Variants in PCNT observed in about 807,000 individuals in gnomAD.
PCNT encodes the protein pericentrin, also known as kendrin.
In PCNT, 319 loss-of-function variants were observed where a neutral mutation model predicts 380.4. The ratio of observed to expected loss-of-function variants is 0.84; its 90% CI spans 0.77 to 0.92. The LOEUF is 0.92. Ranked by LOEUF, PCNT falls within the 40% of genes least tolerant of loss-of-function variation. The probability of loss-of-function intolerance (pLI) is 0.00; values close to 1 mark genes in which losing one functional copy is unlikely to be tolerated. For synonymous variants in PCNT, 1,845 were observed against 1,735.2 expected (o/e 1.06, Z -1.57); for missense variants, 4,400 against 4,255.3 (o/e 1.03, Z -0.95).
chr21:46,379,905 C>T (rs771567239), intron 15 of PCNT, among the ~76,000 whole-genome samples: 26 of 152,330 alleles, frequency 1.7e-4, no homozygotes, highest in Admixed American at 4.6e-4. Context: ...ATGGTCACTG[C>T]AGCCGGCCCA....
In PCNT at chr21:46,402,491, A is replaced by C. The variant is rs2086460818; in HGVS notation, c.5115+8A>C. On this transcript the variant is annotated splice_region_variant and intron_variant, in intron 27 of 46. Coordinates refer to ENST00000359568, the MANE Select transcript of PCNT (RefSeq NM_006031.6). Reference sequence around the variant, plus strand: ...GAGAACACGAGCTTGAAGGTAAGCTACCAAAGGTCCACGTGACGCCCGAGT... The same window carrying C: ...GAGAACACGAGCTTGAAGGTAAGCTCCCAAAGGTCCACGTGACGCCCGAGT... 1 of 1,613,784 alleles carries C rather than the reference A, an allele frequency of 6.2e-7. No individual in the cohort carries two copies. Among genetic ancestry groups the C allele is most frequent in the African/African-American group, 1.3e-5 (1 of 74,906 alleles).
At chr21:46,352,554 C>T (rs11702684) in intron 9 of PCNT, among the ~76,000 whole-genome samples, 14,107 of 152,186 alleles carry the variant, frequency 0.093, 899 homozygotes, top group East Asian at 0.33. Context: ...TGTAGAGCAG[C>T]GGGCTGTATT....
rs1283199051 is a variant in PCNT at position 46,388,847 on chromosome 21, C to T, written c.3570C>T (p.Cys1190=). The change falls in exon 18 of 47, where the codon TGC becomes TGT. Residue 1190 remains cysteine (C), a synonymous_variant. Coordinates refer to ENST00000359568, the MANE Select transcript of PCNT (RefSeq NM_006031.6). This position sits in a 1 kb window ranked among gnomAD's most constrained non-coding sequence, Gnocchi z 4.2. The part of the protein sequence containing the change: ...RSRIGERVGL[C]LDDAGAGLAL... ...GGATCGGGGAGCGCGTGGGGCTCTGCCTGGATGACGCGGGCGCAGGCCTGG... is the reference window on the plus strand; with the variant it reads ...GGATCGGGGAGCGCGTGGGGCTCTGTCTGGATGACGCGGGCGCAGGCCTGG... 1.2e-6 allele frequency: 2 copies of T among 1,610,920 alleles called. No homozygotes were observed. The highest frequency in any genetic ancestry group is 2.2e-5 in the East Asian group (1 of 44,872).
chr21:46,385,861 C>G lies in PCNT; in HGVS notation c.3342C>G (p.His1114Gln), dbSNP rs147173840. 6.2e-7 allele frequency: 1 copy of G among 1,614,226 alleles called. No homozygotes were observed. The highest frequency in any genetic ancestry group is 8.5e-7 in the Non-Finnish European group (1 of 1,180,026). Reference sequence around the variant, plus strand: ...AAGACCAGGTTTTATCCTTAAGTCACGAGATAGAAGAGTGCCGCTCCGAGT... The same window carrying G: ...AAGACCAGGTTTTATCCTTAAGTCAGGAGATAGAAGAGTGCCGCTCCGAGT... ...QLKDQVLSLS[H>Q]EIEECRSELE... Residue 1114 changes from histidine (H) to glutamine (Q), a missense_variant, in exon 17 of 47, where the codon CAC (histidine) becomes CAG (glutamine). His to Gln is a conservative substitution (Grantham distance 24, BLOSUM62 0). Transcript: ENST00000359568.
chr21:46,397,334 G>T lies in PCNT; in HGVS notation c.4286G>T (p.Arg1429Leu). The stretch of plus-strand genomic sequence containing the variant: ...ACCAGGAAGCAGGCTGAGAAGGACC[G>T]CTCAGCCCTGCTCTCCCAGATGAAG... Reference protein sequence around the residue: ...SETRKQAEKDRSALLSQMKIL... With the variant: ...SETRKQAEKDLSALLSQMKIL... The change falls in exon 22 of 47, where the codon CGC (arginine) becomes CTC (leucine). Residue 1429 changes from arginine to leucine, a missense_variant. Transcript: ENST00000359568. 6.2e-7 allele frequency: 1 copy of T among 1,613,980 alleles called. No individual in the cohort carries two copies. Among genetic ancestry groups the T allele is most frequent in the Non-Finnish European group, 8.5e-7 (1 of 1,179,922 alleles).
rs555197133 is a variant in PCNT at position 46,325,474 on chromosome 21, TGTG to T, written c.55-898_55-896del. On this transcript the variant is annotated intron_variant, in intron 1 of 46. Transcript: ENST00000359568. ...TGTGCTATATCCCGACATGGATAGG[TGTG>T]GTGGAGGAGGACATGAAAATAAACG... Among the ~76,000 whole-genome samples the T allele has an allele frequency of 1.1e-3, 174 of 152,236 alleles. 1 individual carries two copies. The highest frequency in any genetic ancestry group is 3.9e-3 in the African/African-American group (163 of 41,540).
intron 38 of PCNT, among the ~76,000 whole-genome samples, chr21:46,433,530 G>A (rs1046752034): frequency 2.0e-5 from 3 of 152,060 alleles, no homozygotes; most frequent in Non-Finnish European, 2.9e-5. Flanking sequence ...GGTGAGACGT[G>A]GTGTGTGTGT....
chr21:46,389,521 G>T, intron 19 of PCNT, 90 bp downstream of exon 19: 1 of 1,029,692 alleles, frequency 9.7e-7, no homozygotes, highest in African/African-American at 1.6e-5. Flanking sequence ...CGGTGCCAAC[G>T]ACGCTCGCAC....
At chr21:46,415,812 C>T (rs2087004555) in intron 29 of PCNT, among the ~76,000 whole-genome samples, 1 of 152,214 alleles carries the variant, frequency 6.6e-6, no homozygotes, top group Non-Finnish European at 1.5e-5. Flanking sequence ...ATAGAACCTT[C>T]CCATCCTTTT....
At chr21:46,355,730 G>T (rs1259990998) in intron 12 of PCNT, 104 bp downstream of exon 12, 110 of 1,145,204 alleles carry the variant, frequency 9.6e-5, no homozygotes, top group Non-Finnish European at 1.4e-4. Flanking sequence ...CCGTGAAGCA[G>T]CTGAGTGCTC....
rs770567674 is a variant in PCNT, at chr21:46,363,869, C to T, written c.2544C>T (p.Asp848=). 30 of 1,612,232 alleles carry T rather than the reference C, an allele frequency of 1.9e-5. 1 individual carries two copies. Among genetic ancestry groups the T allele is most frequent in the Middle Eastern group, 1.7e-4 (1 of 6,054 alleles). The change falls in exon 14 of 47, where the codon GAC becomes GAT. Residue 848 remains aspartate, a synonymous_variant. Transcript: ENST00000359568. The part of the protein sequence containing the change: ...QCGREPPTAQ[D]GELAALHVKE... ...GGCGGGAGCCGCCCACAGCCCAGGACGGGGAGCTTGCTGCGCTCCACGTGA... is the reference window on the plus strand; with the variant it reads ...GGCGGGAGCCGCCCACAGCCCAGGATGGGGAGCTTGCTGCGCTCCACGTGA...
intron 38 of PCNT, among the ~76,000 whole-genome samples, chr21:46,435,657 C>T (rs893475974): frequency 6.6e-6 from 1 of 152,074 alleles, no homozygotes; most frequent in Non-Finnish European, 1.5e-5. Flanking sequence ...ATTCTCCTGC[C>T]TCATCCTCTC....
At chr21:46,405,581 G>A (rs2086598501) in intron 27 of PCNT, among the ~76,000 whole-genome samples, 1 of 152,088 alleles carries the variant, frequency 6.6e-6, no homozygotes, top group Admixed American at 6.6e-5. Flanking sequence ...GCCTCTAATG[G>A]TTACTTGGGA....
At chr21:46,345,200 T>C (rs991454947) in intron 3 of PCNT, among the ~76,000 whole-genome samples, 44 of 152,150 alleles carry the variant, frequency 2.9e-4, no homozygotes, top group African/African-American at 1.0e-3. Context: ...CCACAGCTTC[T>C]GTTTCTGGGA....
Position 46,411,662 on chromosome 21 carries a change from G to A in PCNT, c.5589G>A (p.Leu1863=), listed in dbSNP as rs1302275646. ...GGATCCAGGAGTTCGAAGCGGCCCT[G>A]AAAGCAAAGGAAGCGACGATTGCCG... ...ASRIQEFEAA[L]KAKEATIAER... is the part of the protein sequence containing the mutation. Residue 1863 remains leucine, a synonymous_variant, in exon 28 of 47, where the codon CTG becomes CTA. Transcript: ENST00000359568. 1.2e-6 allele frequency: 2 copies of A among 1,613,066 alleles called. No homozygotes were observed. Among genetic ancestry groups the A allele is most frequent in the Admixed American group, 3.3e-5 (2 of 60,034 alleles).
intron 21 of PCNT, among the ~76,000 whole-genome samples, chr21:46,392,727 G>A (rs1054888792): frequency 1.3e-5 from 2 of 152,176 alleles, no homozygotes; most frequent in Non-Finnish European, 2.9e-5. Context: ...TTGGTCCCAC[G>A]GGATGTTTTA....
chr21:46,358,962 G>A (rs1408766405), intron 13 of PCNT, among the ~76,000 whole-genome samples: 1 of 151,944 alleles, frequency 6.6e-6, no homozygotes. Context: ...CACCATGCCT[G>A]GCTAATTTTT....
At position 46,431,123 on chromosome 21, in the gene PCNT, G is replaced by A. The variant is rs2087744625; in HGVS notation, c.8065-406G>A. ...AGTGGTGGTTCCTAGCAAGCTGGGT[G>A]TGTATCTCTGAGCCTCTGGTGGAGT... On this transcript the variant is annotated intron_variant, in intron 37 of 46. Transcript: ENST00000359568. 11 of 1,188,458 alleles carry A rather than the reference G, an allele frequency of 9.3e-6. No individual in the cohort carries two copies. In the South Asian group the frequency reaches 1.2e-4, roughly 13 times the overall value. The allele number at this position is 1,188,458 out of a possible 1,614,324, so 73.6% of individuals were successfully genotyped here.
chr21:46,425,809 C>T lies in PCNT; in HGVS notation c.7180-22C>T, dbSNP rs199546234. 5.1e-4 allele frequency: 823 copies of T among 1,612,648 alleles called. 3 individuals are homozygous for T. Among genetic ancestry groups the T allele is most frequent in the African/African-American group, 3.8e-3 (282 of 75,020 alleles). On this transcript the variant is annotated intron_variant, in intron 32 of 46. Transcript: ENST00000359568. This position sits in a 1 kb window ranked among gnomAD's most constrained non-coding sequence, Gnocchi z 4.2. ...GTGTGGGGTGGCAGGCAACTCCCTT[C>T]TGACGCGCTTTCCCGCCACAGGCTT... is the stretch of plus-strand genomic sequence containing the variant.
Sources: allele counts gnomAD v4.1 joint callset (sites outside exome capture counted in the v4.1 genomes callset), GRCh38; gene constraint gnomAD v4.1.1; non-coding constraint Gnocchi (gnomAD v3.1); transcripts MANE v1.5; gene names NCBI Gene and HGNC (gene_info 2026-07-23, HGNC 2026-07-21).